Variants in ODAD3 observed in about 807,000 individuals in gnomAD.
ODAD3 encodes outer dynein arm docking complex subunit 3, also known as outer dynein arm-docking complex subunit 3.
ODAD3 carries 57 observed loss-of-function variants against 70.9 expected under a neutral mutation model. The ratio of observed to expected loss-of-function variants is 0.80; its 90% CI spans 0.65 to 1.00. ODAD3 has a LOEUF of 1.00. ODAD3 is among the 50% of genes least tolerant of loss of function. The probability of loss-of-function intolerance (pLI) is 0.00; values close to 1 mark genes in which losing one functional copy is unlikely to be tolerated. For missense variants in ODAD3, 797 were observed against 763.9 expected, an observed-to-expected ratio of 1.04 and a Z score of -0.51; for synonymous variants, 327 against 315.9, an observed-to-expected ratio of 1.04 and a Z score of -0.37.
rs758063024 is a variant in ODAD3 at position 11,431,194 on chromosome 19, C to T, written c.245-174G>A. 11 of 733,590 alleles carry T rather than the reference C, an allele frequency of 1.5e-5. No homozygotes were observed. The East Asian group carries it at 3.1e-4, about 21-fold the overall frequency. The allele number at this position is 733,590 out of a possible 1,614,324, so 45.4% of individuals were successfully genotyped here. On this transcript the variant is annotated intron_variant, in intron 1 of 12. Transcript: ENST00000356392. ...TGGTGCAATCTCGGCTCACCACAGC[C>T]TCCGCCTCCCGGGTTCAAGAGATTC...
In ODAD3 at chr19:11,430,777, C is replaced by G. The variant is rs1186608353; in HGVS notation, c.367-1G>C. On this transcript the variant is annotated splice_acceptor_variant, in intron 2 of 12. Coordinates refer to ENST00000356392, the MANE Select transcript of ODAD3 (RefSeq NM_145045.5). LOFTEE classifies it high-confidence loss of function. ...CTGCCTGGACCACTTTCTCATCTCC[C>G]TGCAAGGAGGGAAGTCCAGTCACCT... 1.2e-6 allele frequency: 2 copies of G among 1,613,980 alleles called. No individual in the cohort carries two copies. The highest frequency in any genetic ancestry group is 1.3e-5 in the African/African-American group (1 of 74,900).
rs1321059900 is a variant in ODAD3, at chr19:11,425,045, GTA to G, written c.964-1018_964-1017del. Among the ~76,000 whole-genome samples the G allele has an allele frequency of 1.2e-4, 15 of 127,186 alleles. 1 individual carries two copies. The highest frequency in any genetic ancestry group is 3.6e-4 in the Admixed American group (5 of 13,810). 83.4% of individuals were successfully genotyped at this position (127,186 alleles called of 152,430 possible). A position where few individuals can be genotyped will look rare whatever the true frequency, so the allele number is the denominator to read the frequency against. ...TACATATGTGCATATATACATATGT[GTA>G]TATATGTGTATATGTGTATATATGT... On this transcript the variant is annotated intron_variant, in intron 7 of 12. Coordinates refer to ENST00000356392, the MANE Select transcript of ODAD3 (RefSeq NM_145045.5).
intron 1 of ODAD3, among the ~76,000 whole-genome samples, chr19:11,431,817 C>T (rs1367295378): frequency 6.6e-6 from 1 of 151,528 alleles, no homozygotes; most frequent in Non-Finnish European, 1.5e-5. Context: ...GTGGCAGGCA[C>T]CTGTAGTCCC....
At chr19:11,425,422 TATACAC>T (rs1969321923) in intron 7 of ODAD3, among the ~76,000 whole-genome samples, 1 of 144,484 alleles carries the variant, frequency 6.9e-6, no homozygotes, top group Non-Finnish European at 1.5e-5. Flanking sequence ...TATATGTGTA[TATACAC>T]ATATGTGTAT....
In ODAD3 at chr19:11,422,352, C is replaced by A; in HGVS notation, c.1434+119G>T. 1.6e-6 allele frequency: 2 copies of A among 1,270,756 alleles called. No homozygotes were observed. Among genetic ancestry groups the A allele is most frequent in the South Asian group, 1.6e-5 (1 of 63,934 alleles). 78.7% of individuals were successfully genotyped at this position (1,270,756 alleles called of 1,614,324 possible). ...TGGGCGGGGCCTCTGACGTCCGGGA[C>A]AGAGGATGTGGCAGGCCACGTTCCC... On this transcript the variant is annotated intron_variant, in intron 10 of 12. Coordinates refer to ENST00000356392, the MANE Select transcript of ODAD3 (RefSeq NM_145045.5). The surrounding 1 kb of genome is among the most constrained non-coding windows in gnomAD (Gnocchi z 4.6).
In ODAD3 at chr19:11,424,992, T is replaced by A. The variant is rs945768908; in HGVS notation, c.964-963A>T. Among the ~76,000 whole-genome samples, 22 of 133,914 alleles carry A rather than the reference T, an allele frequency of 1.6e-4. 6 individuals are homozygous for A. Among genetic ancestry groups the A allele is most frequent in the African/African-American group, 7.2e-4 (22 of 30,686 alleles). The allele number at this position is 133,914 out of a possible 152,430, so 87.9% of individuals were successfully genotyped here. On this transcript the variant is annotated intron_variant, in intron 7 of 12. Coordinates refer to ENST00000356392, the MANE Select transcript of ODAD3 (RefSeq NM_145045.5). ...ATATGTATATATGTGTATATGTACA[T>A]ATGTGTATATGTATATATGTGTATA...
chr19:11,425,006 T>TATGTGCATATATAC (rs1969256108), intron 7 of ODAD3, among the ~76,000 whole-genome samples: 11 of 118,990 alleles, frequency 9.2e-5, no homozygotes, highest in Non-Finnish European at 1.5e-4. Flanking sequence ...TGTATATGTA[T>TATGTGCATATATAC]ATATGTGTAT....
intron 7 of ODAD3, among the ~76,000 whole-genome samples, chr19:11,424,631 GTA>G (rs1157103787): frequency 1.2e-4 from 13 of 106,678 alleles, no homozygotes; most frequent in Non-Finnish European, 1.5e-4. Context: ...GTGTATATAT[GTA>G]TATATGTGTA....
chr19:11,425,453 ATATG>A (rs1349177169), intron 7 of ODAD3, among the ~76,000 whole-genome samples: 12 of 115,376 alleles, frequency 1.0e-4, no homozygotes, highest in Admixed American at 4.0e-4. Context: ...ATATATACAT[ATATG>A]TGTGTGTATA....
At position 11,422,559 on chromosome 19, in the gene ODAD3, T is replaced by C; in HGVS notation, c.1346A>G (p.Lys449Arg). ...KKEERRHAEA[K>R]DQLERALRAM... ...CCGCAAGGCGCGCTCCAGCTGGTCC[T>C]TGGCCTCGGCGTGCCGCCGCTCCTC... The change falls in exon 10 of 13, where the codon AAG (lysine) becomes AGG (arginine). Residue 449 changes from lysine to arginine, a missense_variant. Lys to Arg is a conservative substitution (Grantham distance 26). Transcript: ENST00000356392. This position sits in a 1 kb window ranked among gnomAD's most constrained non-coding sequence, Gnocchi z 4.6. The C allele has an allele frequency of 6.3e-7, 1 of 1,591,924 alleles. No homozygotes were observed. Among genetic ancestry groups the C allele is most frequent in the Non-Finnish European group, 8.5e-7 (1 of 1,171,122 alleles).
chr19:11,426,370 G>T, intron 6 of ODAD3, 76 bp downstream of exon 6: 2 of 1,609,366 alleles, frequency 1.2e-6, no homozygotes, highest in African/African-American at 1.3e-5. Context: ...GAAGCTCAGG[G>T]ACAGCTGAGG....
Position 11,430,786 on chromosome 19 carries a change from G to C in ODAD3, c.367-10C>G. 2 of 1,614,030 alleles carry C rather than the reference G, an allele frequency of 1.2e-6. No individual in the cohort carries two copies. The highest frequency in any genetic ancestry group is 1.7e-6 in the Non-Finnish European group (2 of 1,179,996). On this transcript the variant is annotated splice_polypyrimidine_tract_variant and intron_variant, in intron 2 of 12. Transcript: ENST00000356392. ...CCACTTTCTCATCTCCCTGCAAGGAGGGAAGTCCAGTCACCTTTCAGCATG... is the reference window on the plus strand; with the variant it reads ...CCACTTTCTCATCTCCCTGCAAGGACGGAAGTCCAGTCACCTTTCAGCATG...
At position 11,425,311 on chromosome 19, in the gene ODAD3, A is replaced by G. The variant is rs1033434524; in HGVS notation, c.963+833T>C. Among the ~76,000 whole-genome samples the G allele has an allele frequency of 6.2e-3, 811 of 131,002 alleles. 36 individuals are homozygous for G. The highest frequency in any genetic ancestry group is 9.1e-3 in the Non-Finnish European group (596 of 65,470). The allele number at this position is 131,002 out of a possible 152,430, so 85.9% of individuals were successfully genotyped here. On this transcript the variant is annotated intron_variant, in intron 7 of 12. Transcript: ENST00000356392. Reference sequence around the variant, plus strand: ...CATATGTGTATATATGTGTATGTGTACATATGTGTATATGTACATATGTGT... The same window carrying G: ...CATATGTGTATATATGTGTATGTGTGCATATGTGTATATGTACATATGTGT...
Position 11,422,263 on chromosome 19 carries a change from G to A in ODAD3, c.1434+208C>T, listed in dbSNP as rs1296937692. ...TCTCTGACGTCTTGGGCTTCCTTGG[G>A]GAGTGAGAGCTTCCCCAGGGAGGTG... On this transcript the variant is annotated intron_variant, in intron 10 of 12. Transcript: ENST00000356392. This position sits in a 1 kb window ranked among gnomAD's most constrained non-coding sequence, Gnocchi z 4.6. Among the ~76,000 whole-genome samples, 4 of 151,894 alleles carry A rather than the reference G, an allele frequency of 2.6e-5. No individual in the cohort carries two copies. The highest frequency in any genetic ancestry group is 5.9e-5 in the Non-Finnish European group (4 of 67,914).
Position 11,430,867 on chromosome 19 carries a change from G to A in ODAD3, c.366+32C>T, listed in dbSNP as rs149103681. The A allele has an allele frequency of 8.2e-3, 13,204 of 1,613,768 alleles. 73 individuals are homozygous for A. Among genetic ancestry groups the A allele is most frequent in the African/African-American group, 0.018 (1,359 of 74,986 alleles). On this transcript the variant is annotated intron_variant, in intron 2 of 12. Coordinates refer to ENST00000356392, the MANE Select transcript of ODAD3 (RefSeq NM_145045.5). ...CTTGTCCCCCACCATCCACCGCCAC[G>A]GGAACCCTACACCCACCCCTTTGCC...
rs1287992519 is a variant in ODAD3, at chr19:11,431,005, G to C, written c.260C>G (p.Ala87Gly). Residue 87 changes from alanine (A) to glycine (G), a missense_variant, in exon 2 of 13, where the codon GCT becomes GGT. Transcript: ENST00000356392. Reference protein sequence around the residue: ...KIQLLEGDRKAFFESSQWNIK... With the variant: ...KIQLLEGDRKGFFESSQWNIK... ...GTTCCACTGAGAGCTCTCAAAAAAA[G>C]CCTTCCGGTCACCCTCTGGCAGGCA... 1 of 1,614,070 alleles carries C rather than the reference G, an allele frequency of 6.2e-7. No homozygotes were observed. The highest frequency in any genetic ancestry group is 2.2e-5 in the East Asian group (1 of 44,878).
At chr19:11,434,293 G>A (rs1367299007) in intron 1 of ODAD3, among the ~76,000 whole-genome samples, 1 of 149,810 alleles carries the variant, frequency 6.7e-6, no homozygotes, top group African/African-American at 2.4e-5. Context: ...AGGCCGAGGC[G>A]GGCTCACGCC....
In ODAD3 at chr19:11,425,355, A is replaced by G. The variant is rs754605616; in HGVS notation, c.963+789T>C. On this transcript the variant is annotated intron_variant, in intron 7 of 12. Coordinates refer to ENST00000356392, the MANE Select transcript of ODAD3 (RefSeq NM_145045.5). The stretch of plus-strand genomic sequence containing the variant: ...TATGTGTATATATGTATATATGTGT[A>G]TATGTACATATGTGTATATATGTGT... Among the ~76,000 whole-genome samples the G allele has an allele frequency of 2.4e-4, 32 of 131,206 alleles. 2 individuals are homozygous for G. Among genetic ancestry groups the G allele is most frequent in the South Asian group, 6.8e-4 (3 of 4,444 alleles). 86.1% of individuals were successfully genotyped at this position (131,206 alleles called of 152,430 possible).
rs747718544 is a variant in ODAD3, at chr19:11,422,544, C to T, written c.1361G>A (p.Arg454His). The T allele has an allele frequency of 2.3e-5, 37 of 1,591,336 alleles. No homozygotes were observed. Among genetic ancestry groups the T allele is most frequent in the Non-Finnish European group, 3.0e-5 (35 of 1,170,694 alleles). ...GGCCACTTGCATCGCCCGCAAGGCG[C>T]GCTCCAGCTGGTCCTTGGCCTCGGC... Reference protein sequence around the residue: ...RHAEAKDQLERALRAMQVAKD... With the variant: ...RHAEAKDQLEHALRAMQVAKD... Residue 454 changes from arginine (R) to histidine (H), a missense_variant, in exon 10 of 13, where the codon CGC becomes CAC. Transcript: ENST00000356392. The surrounding 1 kb of genome is among the most constrained non-coding windows in gnomAD (Gnocchi z 4.6).
Sources: gnomAD v4.1 joint callset for allele counts (sites outside exome capture counted in the v4.1 genomes callset) on GRCh38, gnomAD v4.1.1 for gene constraint, Gnocchi (gnomAD v3.1) non-coding constraint, MANE v1.5 for transcripts, NCBI Gene and HGNC (gene_info 2026-07-23, HGNC 2026-07-21) for gene names.